The following UTRN variants were observed in gnomAD, a reference collection of about 807,000 sequenced individuals.
UTRN encodes the protein dystrophin-related protein 1.
UTRN carries 283 observed loss-of-function variants against 463.9 expected under a neutral mutation model. The observed-to-expected ratio is 0.61, with a 90% confidence interval of 0.55 to 0.67. The LOEUF is 0.67. UTRN is among the 30% of genes least tolerant of loss of function. The pLI, the probability that UTRN is intolerant of heterozygous loss-of-function variation, is 0.00. For missense variants in UTRN, 3,922 were observed against 4,084.3 expected (o/e 0.96, Z 1.08); for synonymous variants, 1,442 against 1,431.5 (o/e 1.01, Z -0.17).
chr6:144,547,128 G>T (rs1585212514), intron 46 of UTRN, among the ~76,000 whole-genome samples: 1 of 152,118 alleles, frequency 6.6e-6, no homozygotes, highest in East Asian at 1.9e-4. Context: ...TGGATGTAGG[G>T]TATTTCATTT....
chr6:144,845,652 G>A, intron 73 of UTRN, among the ~76,000 whole-genome samples: 1 of 152,158 alleles, frequency 6.6e-6, no homozygotes, highest in East Asian at 1.9e-4. Context: ...TGCAAGAGAA[G>A]CATAACTCTG....
chr6:144,788,689 C>T (rs1347409819), intron 61 of UTRN, among the ~76,000 whole-genome samples: 5 of 151,904 alleles, frequency 3.3e-5, no homozygotes, highest in Admixed American at 6.6e-5. Flanking sequence ...CTCAGCCTCC[C>T]GAGTAGCTAG....
chr6:144,313,432 T>G (rs191922856), intron 2 of UTRN, among the ~76,000 whole-genome samples: 1 of 152,260 alleles, frequency 6.6e-6, no homozygotes, highest in Admixed American at 6.5e-5. Flanking sequence ...CACAATTTCA[T>G]GGGCCAAGTT....
intron 3 of UTRN, among the ~76,000 whole-genome samples, chr6:144,414,047 C>T (rs576036884): frequency 1.2e-4 from 18 of 152,076 alleles, no homozygotes; most frequent in East Asian, 1.9e-4. Context: ...ATGATCTGCC[C>T]GCCTTGGCCT....
chr6:144,748,790 A>C (rs577429780), intron 55 of UTRN, among the ~76,000 whole-genome samples: 67 of 152,328 alleles, frequency 4.4e-4, no homozygotes, highest in Non-Finnish European at 7.9e-4. Context: ...TAGACAATGT[A>C]GATTAGGTTT....
intron 2 of UTRN, among the ~76,000 whole-genome samples, chr6:144,340,106 G>T (rs1562266919): frequency 1.3e-5 from 2 of 152,204 alleles, no homozygotes; most frequent in Non-Finnish European, 2.9e-5. Context: ...GGCGGAGGTT[G>T]CAGTGAGCTG....
chr6:144,647,727 C>A (rs1284527283), intron 51 of UTRN, among the ~76,000 whole-genome samples: 1 of 152,236 alleles, frequency 6.6e-6, no homozygotes, highest in Non-Finnish European at 1.5e-5. Flanking sequence ...AGGGCTCCCC[C>A]TTCGTGGCCT....
intron 51 of UTRN, among the ~76,000 whole-genome samples, chr6:144,632,186 A>G (rs897709832): frequency 2.0e-5 from 3 of 152,214 alleles, no homozygotes; most frequent in Admixed American, 6.5e-5. Flanking sequence ...TTAAGTCTCA[A>G]CTGCACTAAG....
At chr6:144,738,176 G>A (rs752919663) in intron 54 of UTRN, among the ~76,000 whole-genome samples, 5 of 151,998 alleles carry the variant, frequency 3.3e-5, no homozygotes, top group African/African-American at 4.8e-5. Flanking sequence ...GTTCACTGAC[G>A]GCCATCTGGC....
intron 51 of UTRN, among the ~76,000 whole-genome samples, chr6:144,580,483 A>C (rs1212720469): frequency 6.6e-6 from 1 of 152,218 alleles, no homozygotes; most frequent in East Asian, 1.9e-4. Flanking sequence ...TCTAAAGCAC[A>C]TGGAAGATGA....
At chr6:144,566,916 G>A (rs1394479708) in intron 50 of UTRN, among the ~76,000 whole-genome samples, 2 of 152,160 alleles carry the variant, frequency 1.3e-5, no homozygotes, top group African/African-American at 4.8e-5. Context: ...GGAGGCTGAG[G>A]CAGGTGAATC....
rs1784680644 is a variant in UTRN at position 144,419,911 on chromosome 6, CTTTA to C, written c.142-1964_142-1961del. ...TGTTGAGTGTGCAGAAATATGGAATCTTTATTCATCTTTGTAATTCAGGTCTCTT... is the reference window on the plus strand; with the variant it reads ...TGTTGAGTGTGCAGAAATATGGAATCTTCATCTTTGTAATTCAGGTCTCTT... On this transcript the variant is annotated intron_variant, in intron 3 of 74. Transcript: ENST00000367545. Among the ~76,000 whole-genome samples, 4 of 151,888 alleles carry C rather than the reference CTTTA, an allele frequency of 2.6e-5. No individual in the cohort carries two copies. In the South Asian group the frequency reaches 8.3e-4, roughly 32 times the overall value.
chr6:144,635,535 CTTTTTTTTTTT>C (rs1219903798), intron 51 of UTRN, among the ~76,000 whole-genome samples: 2 of 33,186 alleles, frequency 6.0e-5, no homozygotes, highest in African/African-American at 1.3e-4. Context: ...TTTTTCTTTT[CTTTTTTTTTTT>C]TTTTTTTTTT....
At chr6:144,396,517 C>A (rs1438657656) in intron 2 of UTRN, among the ~76,000 whole-genome samples, 2 of 152,052 alleles carry the variant, frequency 1.3e-5, no homozygotes, top group African/African-American at 2.4e-5. Context: ...TGACTGAAAT[C>A]ACAAATATTG....
chr6:144,589,279 C>T (rs949734238), intron 51 of UTRN, among the ~76,000 whole-genome samples: 20 of 152,168 alleles, frequency 1.3e-4, no homozygotes, highest in Admixed American at 3.3e-4. Context: ...TATCTTGATA[C>T]TGCTAGTACA....
intron 55 of UTRN, 143 bp from the exon 56 acceptor site, chr6:144,751,663 T>C: frequency 1.4e-6 from 1 of 718,374 alleles, no homozygotes; most frequent in South Asian, 3.0e-5. Context: ...AATCTGTGCA[T>C]AAATGGACCC....
At chr6:144,828,197 A>C (rs1422297679) in intron 68 of UTRN, among the ~76,000 whole-genome samples, 1 of 152,200 alleles carries the variant, frequency 6.6e-6, no homozygotes, top group Non-Finnish European at 1.5e-5. Context: ...GCATCATAAA[A>C]ATGGTAACAT....
chr6:144,652,689 A>T (rs962761038), intron 51 of UTRN, among the ~76,000 whole-genome samples: 1 of 152,230 alleles, frequency 6.6e-6, no homozygotes, highest in Non-Finnish European at 1.5e-5. Context: ...GAGTTATATA[A>T]TGCCTGTTTA....
intron 51 of UTRN, among the ~76,000 whole-genome samples, chr6:144,674,028 G>T (rs1256751941): frequency 2.0e-5 from 3 of 152,090 alleles, no homozygotes; most frequent in Non-Finnish European, 2.9e-5. Context: ...AATCTTATAG[G>T]ATTTCCCTTG....
Sources: allele counts gnomAD v4.1 joint callset (sites outside exome capture counted in the v4.1 genomes callset), GRCh38; gene constraint gnomAD v4.1.1; transcripts MANE v1.5; gene names NCBI Gene and HGNC (gene_info 2026-07-23, HGNC 2026-07-21).